The following SEMA4A variants were observed in gnomAD, a reference collection of about 807,000 sequenced individuals.
SEMA4A encodes semaphorin-4A.
SEMA4A carries 52 observed loss-of-function variants against 72.5 expected under a neutral mutation model. The observed-to-expected ratio is 0.72, with a 90% CI of 0.57 to 0.90. SEMA4A has a LOEUF of 0.90. Among genes scored for constraint, SEMA4A ranks in the 40% least tolerant of loss-of-function variants. The pLI is 0.00. For synonymous variants in SEMA4A, 369 were observed against 393.1 expected (o/e 0.94, Z 0.73); for missense variants, 926 against 959.7 (o/e 0.96, Z 0.46).
At chr1:156,151,252 C>T (rs1176214956), upstream of SEMA4A, among the ~76,000 whole-genome samples, 2 of 152,214 alleles carry the variant, frequency 1.3e-5, no homozygotes, top group East Asian at 1.9e-4. Flanking sequence ...CCAAGTGTGG[C>T]CCTTCTGAGC....
At chr1:156,158,621 AT>A (rs1010083148) in intron 5 of SEMA4A, 97 bp from the exon 6 acceptor site, 2 of 1,317,738 alleles carry the variant, frequency 1.5e-6, no homozygotes, top group African/African-American at 2.9e-5. Flanking sequence ...CCCCAGACCA[AT>A]TTCCCTCTAT....
At chr1:156,150,680 T>C (rs1036843786), upstream of SEMA4A, among the ~76,000 whole-genome samples, 2 of 152,094 alleles carry the variant, frequency 1.3e-5, no homozygotes, top group African/African-American at 2.4e-5. Context: ...CTGGGGCTGG[T>C]TGAAGCTCAG....
chr1:156,165,311 C>T (rs1654056690), intron 10 of SEMA4A, among the ~76,000 whole-genome samples: 1 of 152,156 alleles, frequency 6.6e-6, no homozygotes, highest in Non-Finnish European at 1.5e-5. Flanking sequence ...TTGCCTCTTT[C>T]CTGTGACAGA....
intron 9 of SEMA4A, among the ~76,000 whole-genome samples, chr1:156,162,185 C>T (rs999144333): frequency 2.0e-5 from 3 of 152,202 alleles, no homozygotes; most frequent in Non-Finnish European, 2.9e-5. Context: ...CCCATGAACC[C>T]GGGAGGCGGA....
intron 10 of SEMA4A, among the ~76,000 whole-genome samples, chr1:156,164,568 C>G (rs1196275879): frequency 1.3e-5 from 2 of 152,152 alleles, no homozygotes; most frequent in African/African-American, 4.8e-5. Flanking sequence ...AACCCTCTCC[C>G]GCAAAAGCTG....
chr1:156,163,586 G>A (rs1381953813), intron 10 of SEMA4A, among the ~76,000 whole-genome samples: 1 of 151,744 alleles, frequency 6.6e-6, no homozygotes, highest in Non-Finnish European at 1.5e-5. Flanking sequence ...GCCAGGCATG[G>A]TGGCACGCGA....
chr1:156,156,392 C>T (rs1398015418), intron 2 of SEMA4A, 22 bp from the exon 3 acceptor site: 1 of 1,613,362 alleles, frequency 6.2e-7, no homozygotes, highest in Admixed American at 1.7e-5. Flanking sequence ...TCATCACTCT[C>T]TCTGTCTTAC....
intron 5 of SEMA4A, 86 bp from the exon 6 acceptor site, chr1:156,158,633 G>A: frequency 7.4e-7 from 1 of 1,347,484 alleles, no homozygotes; most frequent in Non-Finnish European, 1.1e-6. Context: ...TTCCCTCTAT[G>A]TCCCTTTCCC....
upstream of SEMA4A, chr1:156,153,336 G>C (rs1652699332): frequency 6.6e-6 from 1 of 152,222 alleles, no homozygotes; most frequent in Admixed American, 6.5e-5. Flanking sequence ...TTAAGCAAGA[G>C]AAGAAACCAC....
Position 156,176,396 on chromosome 1 carries a change from C to T in SEMA4A, c.1694-9C>T. 6.3e-7 allele frequency: 1 copy of T among 1,594,022 alleles called. No homozygotes were observed. The highest frequency in any genetic ancestry group is 1.1e-5 in the South Asian group (1 of 90,600). On this transcript the variant is annotated splice_polypyrimidine_tract_variant and intron_variant, in intron 14 of 14. Transcript: ENST00000368285. Reference sequence around the variant, plus strand: ...CCTTAACCCTTTTGCTCCTTTCTTTCTCCTACAGTTAAAGAAGTCCTGGCT... The same window carrying T: ...CCTTAACCCTTTTGCTCCTTTCTTTTTCCTACAGTTAAAGAAGTCCTGGCT...
chr1:156,161,304 C>CGGGGCTG (rs1653621441), intron 8 of SEMA4A, 42 bp from the exon 9 acceptor site: 3 of 689,310 alleles, frequency 4.4e-6, no homozygotes, highest in Non-Finnish European at 4.1e-6. Context: ...GCTGGGGGGT[C>CGGGGCTG]GGGGCGCCCG....
intron 1 of SEMA4A, among the ~76,000 whole-genome samples, chr1:156,154,011 C>A (rs560834512): frequency 4.6e-5 from 7 of 152,158 alleles, no homozygotes; most frequent in South Asian, 2.1e-4. Flanking sequence ...CCAGCTGGGG[C>A]TGGGGGAGAG....
At chr1:156,161,233 G>A in intron 8 of SEMA4A, 113 bp from the exon 9 acceptor site, 2 of 729,774 alleles carry the variant, frequency 2.7e-6, no homozygotes, top group Non-Finnish European at 4.1e-6. Flanking sequence ...GTGGGGACAC[G>A]CGGGGCTGGC....
Position 156,160,430 on chromosome 1 carries a change from T to G in SEMA4A, c.569-13T>G. The G allele has an allele frequency of 6.2e-7, 1 of 1,600,636 alleles. No individual in the cohort carries two copies. The highest frequency in any genetic ancestry group is 8.6e-7 in the Non-Finnish European group (1 of 1,167,898). On this transcript the variant is annotated splice_polypyrimidine_tract_variant and intron_variant, in intron 6 of 14. Transcript: ENST00000368285. ...ACCCCATCAGTTCTCTCTTCTCCTC[T>G]CCTCCACCCTAGATGGGATGCTCTA...
intron 10 of SEMA4A, among the ~76,000 whole-genome samples, chr1:156,165,720 C>T (rs1654089972): frequency 1.3e-5 from 2 of 151,788 alleles, no homozygotes; most frequent in Admixed American, 6.6e-5. Context: ...CAGTGTACCT[C>T]ACTGCCCTCA....
upstream of SEMA4A, chr1:156,149,721 ACCC>A: frequency 6.6e-6 from 1 of 152,060 alleles, no homozygotes; most frequent in Non-Finnish European, 1.5e-5. Context: ...GCCCCAGCTG[ACCC>A]CCTGAACCCA....
At chr1:156,160,840 T>C (rs565509333) in intron 7 of SEMA4A, 65 bp from the exon 8 acceptor site, 39 of 1,609,986 alleles carry the variant, frequency 2.4e-5, no homozygotes, top group Admixed American at 2.3e-4. Context: ...CCAACGGTTT[T>C]CACTCAGGCA....
chr1:156,166,506 T>G (rs1654174742), intron 10 of SEMA4A, among the ~76,000 whole-genome samples: 1 of 152,238 alleles, frequency 6.6e-6, no homozygotes, highest in Non-Finnish European at 1.5e-5. Context: ...ACTAGTCTTC[T>G]CACTTTTTTT....
Position 156,174,943 on chromosome 1 carries a change from G to A in SEMA4A, c.1434+3G>A, listed in dbSNP as rs1378249699. The A allele has an allele frequency of 1.9e-6, 3 of 1,614,204 alleles. No homozygotes were observed. In the South Asian group the frequency reaches 3.3e-5, roughly 18 times the overall value. On this transcript the variant is annotated splice_donor_region_variant and intron_variant, in intron 12 of 14. Transcript: ENST00000368285. ...ACCTGCAGCTGGCCCCCACCCAGGT[G>A]GGAAGGGACCTGACCATCAAATGGC...
Sources: allele counts gnomAD v4.1 joint callset (sites outside exome capture counted in the v4.1 genomes callset), GRCh38; gene constraint gnomAD v4.1.1; transcripts MANE v1.5; gene names NCBI Gene and HGNC (gene_info 2026-07-23, HGNC 2026-07-21).